The following JAKMIP1 variants were observed in gnomAD, a reference collection of about 807,000 sequenced individuals.
JAKMIP1 encodes janus kinase and microtubule-interacting protein 1.
JAKMIP1 carries 33 observed loss-of-function variants against 113.0 expected under a neutral mutation model. The observed-to-expected ratio is 0.29, with a 90% confidence interval of 0.22 to 0.39. JAKMIP1 has a LOEUF of 0.39. Among genes scored for constraint, JAKMIP1 ranks in the 10% least tolerant of loss-of-function variants. JAKMIP1 has a pLI of 1.00. For missense variants in JAKMIP1, 813 were observed against 1,080.5 expected (o/e 0.75, Z 3.47); for synonymous variants, 480 against 459.9 (o/e 1.04, Z -0.56).
chr4:6,185,251 T>A lies in JAKMIP1; in HGVS notation c.-148+15002A>T, dbSNP rs528441196. Reference sequence around the variant, plus strand: ...ATATACATCTATCCTATCAGTTCTGTCCCTCTCGAGAACCCTGACTAATAC... The same window carrying A: ...ATATACATCTATCCTATCAGTTCTGACCCTCTCGAGAACCCTGACTAATAC... On this transcript the variant is annotated intron_variant, in intron 1 of 20. Transcript: ENST00000409021. The surrounding 1 kb of genome is among the most constrained non-coding windows in gnomAD (Gnocchi z 5.3). 6.6e-6 allele frequency among the ~76,000 whole-genome samples: 1 copy of A among 152,296 alleles called. No homozygotes were observed. The highest frequency in any genetic ancestry group is 1.9e-4 in the East Asian group (1 of 5,184).
intron 3 of JAKMIP1, among the ~76,000 whole-genome samples, chr4:6,102,999 A>G (rs190245590): frequency 6.3e-4 from 95 of 151,408 alleles, no homozygotes; most frequent in African/African-American, 2.1e-3. Flanking sequence ...TCCCAATGAA[A>G]CTTTTATTTA....
At chr4:6,053,742 A>T (rs753979369) in intron 13 of JAKMIP1, 9 of 1,199,306 alleles carry the variant, frequency 7.5e-6, no homozygotes, top group Non-Finnish European at 3.1e-6. Flanking sequence ...AAACACAAAT[A>T]AAAAAGGCAA....
chr4:6,080,228 C>G lies in JAKMIP1; in HGVS notation c.1186G>C (p.Glu396Gln). ...TCCAGCACCTGCAGCCTCAGGAACTCGATCTCCTGCTCATCCCTCGTCAGG... is the reference window on the plus strand; with the variant it reads ...TCCAGCACCTGCAGCCTCAGGAACTGGATCTCCTGCTCATCCCTCGTCAGG... ...LSLTRDEQEI[E>Q]FLRLQVLEQQ... The change falls in exon 7 of 21, where the codon GAG becomes CAG. Residue 396 changes from glutamate (E) to glutamine (Q), a missense_variant. Coordinates refer to ENST00000409021, the MANE Select transcript of JAKMIP1 (RefSeq NM_001099433.2). The surrounding 1 kb of genome is among the most constrained non-coding windows in gnomAD (Gnocchi z 6.0). 1 of 1,614,120 alleles carries G rather than the reference C, an allele frequency of 6.2e-7. No individual in the cohort carries two copies.
rs1721623360 is a variant in JAKMIP1, at chr4:6,088,615, G to A, written c.625-2986C>T. Among the ~76,000 whole-genome samples the A allele has an allele frequency of 6.6e-6, 1 of 152,124 alleles. No individual in the cohort carries two copies. Among genetic ancestry groups the A allele is most frequent in the African/African-American group, 2.4e-5 (1 of 41,422 alleles). ...AGATGGCATCTAGAAACGGACGGAG[G>A]GCCAATGCAGAACACATTCCGGAGC... On this transcript the variant is annotated intron_variant, in intron 3 of 20. Transcript: ENST00000409021. This position sits in a 1 kb window ranked among gnomAD's most constrained non-coding sequence, Gnocchi z 5.5.
At position 6,193,615 on chromosome 4, in the gene JAKMIP1, C is replaced by T. The variant is rs553300812; in HGVS notation, c.-148+6638G>A. ...GTGCCAGCTGCCTCTCTGGGGCACTCGGCTGGCTCCCGCATCGTCCCTCCT... is the reference window on the plus strand; with the variant it reads ...GTGCCAGCTGCCTCTCTGGGGCACTTGGCTGGCTCCCGCATCGTCCCTCCT... On this transcript the variant is annotated intron_variant, in intron 1 of 20. Coordinates refer to ENST00000409021, the MANE Select transcript of JAKMIP1 (RefSeq NM_001099433.2). The surrounding 1 kb of genome is among the most constrained non-coding windows in gnomAD (Gnocchi z 6.4). Among the ~76,000 whole-genome samples, 6 of 152,312 alleles carry T rather than the reference C, an allele frequency of 3.9e-5. No homozygotes were observed. In the South Asian group the frequency reaches 6.2e-4, roughly 16 times the overall value.
intron 3 of JAKMIP1, among the ~76,000 whole-genome samples, chr4:6,092,283 G>T (rs141039638): frequency 5.6e-4 from 85 of 152,224 alleles, no homozygotes; most frequent in African/African-American, 1.9e-3. Context: ...GCCAGTGTGG[G>T]TACAGGCACT....
chr4:6,064,892 T>G lies in JAKMIP1; in HGVS notation c.1419A>C (p.Glu473Asp), dbSNP rs1280968692. Residue 473 changes from glutamate to aspartate, a missense_variant, in exon 9 of 21, where the codon GAA (glutamate) becomes GAC (aspartate). Physicochemically the swap from Glu to Asp is conservative, Grantham distance 45 (BLOSUM62 2). Coordinates refer to ENST00000409021, the MANE Select transcript of JAKMIP1 (RefSeq NM_001099433.2). This position sits in a 1 kb window ranked among gnomAD's most constrained non-coding sequence, Gnocchi z 4.3. ...CAGGTTTGCTTACATCGTCCAAGTC[T>G]TCTTCGGGCGTGGCTGGGGTCCTGT... is the stretch of plus-strand genomic sequence containing the variant. ...RTDRTPATPEEDLDDATAREE... is the reference protein window; with the variant it reads ...RTDRTPATPEDDLDDATAREE... 3 of 1,614,132 alleles carry G rather than the reference T, an allele frequency of 1.9e-6. No homozygotes were observed. Among genetic ancestry groups the G allele is most frequent in the Non-Finnish European group, 2.5e-6 (3 of 1,180,030 alleles).
At chr4:6,169,384 C>T (rs561452090) in intron 1 of JAKMIP1, among the ~76,000 whole-genome samples, 2 of 151,252 alleles carry the variant, frequency 1.3e-5, no homozygotes, top group South Asian at 2.1e-4. Flanking sequence ...ACGATGGAGG[C>T]AGAGCCTGGA....
In JAKMIP1 at chr4:6,051,509, G is replaced by A. The variant is rs940077511; in HGVS notation, c.1807-830C>T. Among the ~76,000 whole-genome samples, 83 of 151,944 alleles carry A rather than the reference G, an allele frequency of 5.5e-4. No individual in the cohort carries two copies. The highest frequency in any genetic ancestry group is 2.0e-3 in the African/African-American group (82 of 41,446). On this transcript the variant is annotated intron_variant, in intron 13 of 20. Coordinates refer to ENST00000409021, the MANE Select transcript of JAKMIP1 (RefSeq NM_001099433.2). The surrounding 1 kb of genome is among the most constrained non-coding windows in gnomAD (Gnocchi z 5.0). ...CCCGCCTCGGCCTCCCAAAGTGCTGGGATTACAGGCGTAAGCCACCTCGCC... is the reference window on the plus strand; with the variant it reads ...CCCGCCTCGGCCTCCCAAAGTGCTGAGATTACAGGCGTAAGCCACCTCGCC...
intron 3 of JAKMIP1, among the ~76,000 whole-genome samples, chr4:6,096,482 G>A (rs1326692218): frequency 1.3e-5 from 2 of 152,162 alleles, no homozygotes; most frequent in African/African-American, 4.8e-5. Context: ...AGGCCTGCAT[G>A]CCATCTGTGC....
At chr4:6,182,117 A>T (rs2109042375) in intron 1 of JAKMIP1, among the ~76,000 whole-genome samples, 1 of 152,254 alleles carries the variant, frequency 6.6e-6, no homozygotes, top group African/African-American at 2.4e-5. Flanking sequence ...GTGACCTTAT[A>T]AGAAGGGACA....
intron 19 of JAKMIP1, 23 bp from the exon 20 acceptor site, chr4:6,029,804 T>A (rs775727147): frequency 1.5e-5 from 23 of 1,550,360 alleles, no homozygotes; most frequent in Non-Finnish European, 2.0e-5. Context: ...AGGTTACGTG[T>A]CAGAAAAAGT....
chr4:6,173,845 G>T (rs1725024633), intron 1 of JAKMIP1, among the ~76,000 whole-genome samples: 2 of 152,174 alleles, frequency 1.3e-5, no homozygotes, highest in Non-Finnish European at 2.9e-5. Context: ...GGAGGCCAAG[G>T]CGGGCGGATC....
At chr4:6,035,810 C>T in intron 19 of JAKMIP1, 94 bp downstream of exon 19, 2 of 1,083,748 alleles carry the variant, frequency 1.8e-6, no homozygotes, top group Non-Finnish European at 2.6e-6. Flanking sequence ...CTGGAATGAG[C>T]CTGGGGCACT....
At chr4:6,171,494 T>C (rs1578459027) in intron 1 of JAKMIP1, among the ~76,000 whole-genome samples, 2 of 152,206 alleles carry the variant, frequency 1.3e-5, no homozygotes, top group East Asian at 3.9e-4. Context: ...GCATTGCCAA[T>C]GTGTGTCCAG....
chr4:6,128,340 G>T (rs1171336265), intron 1 of JAKMIP1, among the ~76,000 whole-genome samples: 1 of 152,166 alleles, frequency 6.6e-6, no homozygotes, highest in Non-Finnish European at 1.5e-5. Flanking sequence ...TCAGGGCAAG[G>T]GAAGTGTCCC....
At chr4:6,111,069 G>C (rs1714856802) in intron 2 of JAKMIP1, among the ~76,000 whole-genome samples, 1 of 151,984 alleles carries the variant, frequency 6.6e-6, no homozygotes, top group Admixed American at 6.5e-5. Context: ...CAGAAGCCCA[G>C]TCCCCTGGTC....
intron 1 of JAKMIP1, among the ~76,000 whole-genome samples, chr4:6,152,673 G>T (rs1167128613): frequency 6.6e-6 from 1 of 151,324 alleles, no homozygotes; most frequent in Non-Finnish European, 1.5e-5. Context: ...CGAGTGTGGT[G>T]CCTCATGCCT....
rs559151867 is a variant in JAKMIP1 at position 6,094,695 on chromosome 4, T to C, written c.625-9066A>G. On this transcript the variant is annotated intron_variant, in intron 3 of 20. Coordinates refer to ENST00000409021, the MANE Select transcript of JAKMIP1 (RefSeq NM_001099433.2). This position sits in a 1 kb window ranked among gnomAD's most constrained non-coding sequence, Gnocchi z 4.2. The stretch of plus-strand genomic sequence containing the variant: ...TTAGGAAAGGAATGCAGATCCATTA[T>C]AGAAAATGAAAAATACAGCCAGACG... 2.6e-5 allele frequency among the ~76,000 whole-genome samples: 4 copies of C among 152,316 alleles called. No homozygotes were observed. Among genetic ancestry groups the C allele is most frequent in the South Asian group, 4.2e-4 (2 of 4,818 alleles).
Sources: gnomAD v4.1 joint callset for allele counts (sites outside exome capture counted in the v4.1 genomes callset) on GRCh38, gnomAD v4.1.1 for gene constraint, Gnocchi (gnomAD v3.1) non-coding constraint, MANE v1.5 for transcripts, NCBI Gene and HGNC (gene_info 2026-07-23, HGNC 2026-07-21) for gene names.